RHOU: variants seen among roughly 807,000 people sequenced by gnomAD.
RHOU encodes rho-related GTP-binding protein RhoU.
Under a neutral mutation model 12.6 loss-of-function variants are expected in RHOU, and 8 were observed. That is an observed-to-expected ratio of 0.64 (90% CI 0.37 to 1.15). The LOEUF is 1.15. RHOU is among the 50% of genes most tolerant of loss of function. RHOU has a pLI of 0.01. For missense variants in RHOU, 258 were observed against 347.0 expected (o/e 0.74, Z 2.04); for synonymous variants, 161 against 147.4 (o/e 1.09, Z -0.67).
At chr1:228,719,932 C>A in the RHOU span, among the ~76,000 whole-genome samples, 1 of 151,974 alleles carries the variant, frequency 6.6e-6, no homozygotes. Flanking sequence ...CTAAAATAAT[C>A]CAAGAAAATT....
At chr1:228,719,723 C>G in the RHOU span, among the ~76,000 whole-genome samples, 1 of 152,102 alleles carries the variant, frequency 6.6e-6, no homozygotes, top group Non-Finnish European at 1.5e-5. Flanking sequence ...GAACATGACT[C>G]TGTCTTAAAA....
At chr1:228,723,174 C>T in the RHOU span, among the ~76,000 whole-genome samples, 2 of 152,206 alleles carry the variant, frequency 1.3e-5, no homozygotes, top group East Asian at 3.9e-4. Context: ...TCTTGGTCCT[C>T]ATGCCAGTTT....
chr1:228,654,284 T>A, the RHOU span, among the ~76,000 whole-genome samples: 2 of 141,330 alleles, frequency 1.4e-5, no homozygotes, highest in African/African-American at 4.9e-5. Context: ...AATTTTTAAT[T>A]TTTTTATAGA....
At chr1:228,682,411 G>C in the RHOU span, among the ~76,000 whole-genome samples, 4 of 152,076 alleles carry the variant, frequency 2.6e-5, no homozygotes, top group African/African-American at 9.7e-5. Context: ...CAACAAGGCT[G>C]TTTATTTCAC....
chr1:228,651,923 T>A, the RHOU span, among the ~76,000 whole-genome samples: 3 of 152,200 alleles, frequency 2.0e-5, no homozygotes, highest in Admixed American at 6.5e-5. Context: ...CCCTGAAATG[T>A]TTTTTACATA....
the RHOU span, among the ~76,000 whole-genome samples, chr1:228,655,229 G>A: frequency 6.6e-6 from 1 of 151,378 alleles, no homozygotes; most frequent in Middle Eastern, 3.4e-3. Flanking sequence ...TCAGCCTCCC[G>A]AGTAGCTGGG....
the RHOU span, among the ~76,000 whole-genome samples, chr1:228,724,324 CA>C: frequency 5.3e-5 from 8 of 152,142 alleles, no homozygotes; most frequent in Non-Finnish European, 4.4e-5. Flanking sequence ...TGTTCCCCCC[CA>C]GATTTATTCA....
the RHOU span, among the ~76,000 whole-genome samples, chr1:228,646,986 G>A: frequency 1.3e-5 from 2 of 151,658 alleles, no homozygotes; most frequent in Non-Finnish European, 2.9e-5. Flanking sequence ...GAGGTACAGA[G>A]GGAAGGCTAG....
At chr1:228,731,264 G>A (rs1342012803), upstream of RHOU, among the ~76,000 whole-genome samples, 1 of 152,180 alleles carries the variant, frequency 6.6e-6, no homozygotes, top group Non-Finnish European at 1.5e-5. Context: ...AGGGGTCAGG[G>A]AACATTTCTG....
chr1:228,727,782 T>A, the RHOU span, among the ~76,000 whole-genome samples: 1 of 151,794 alleles, frequency 6.6e-6, no homozygotes, highest in South Asian at 2.1e-4. Flanking sequence ...CTGGCCAGGG[T>A]GATTATGGTG....
At chr1:228,689,617 G>C in the RHOU span, among the ~76,000 whole-genome samples, 1 of 152,066 alleles carries the variant, frequency 6.6e-6, no homozygotes, top group African/African-American at 2.4e-5. Flanking sequence ...ATAGCCGGAG[G>C]TGAGCAGTGG....
At chr1:228,686,900 T>C in the RHOU span, among the ~76,000 whole-genome samples, 1 of 152,088 alleles carries the variant, frequency 6.6e-6, no homozygotes, top group East Asian at 1.9e-4. Context: ...CCACCACATC[T>C]AGCTGATTTT....
chr1:228,693,560 G>A, the RHOU span, among the ~76,000 whole-genome samples: 2 of 152,070 alleles, frequency 1.3e-5, no homozygotes, highest in East Asian at 1.9e-4. Context: ...TCTGCCTCCC[G>A]GGTTCAAGCG....
chr1:228,694,032 A>G, the RHOU span, among the ~76,000 whole-genome samples: 1 of 152,188 alleles, frequency 6.6e-6, no homozygotes. Context: ...CAGATCTCAA[A>G]ATTTGCAGTT....
chr1:228,726,174 C>T, the RHOU span, among the ~76,000 whole-genome samples: 3 of 152,124 alleles, frequency 2.0e-5, no homozygotes. Context: ...TTTCCTTTGT[C>T]TTTCACTGCC....
At chr1:228,658,386 G>C in the RHOU span, among the ~76,000 whole-genome samples, 1 of 151,524 alleles carries the variant, frequency 6.6e-6, no homozygotes, top group Non-Finnish European at 1.5e-5. Flanking sequence ...CCTTATAAAA[G>C]GACTTGAAGG....
At chr1:228,688,539 G>A in the RHOU span, among the ~76,000 whole-genome samples, 2 of 152,100 alleles carry the variant, frequency 1.3e-5, no homozygotes, top group Non-Finnish European at 2.9e-5. Flanking sequence ...ATGTCTGCCT[G>A]CTGTCACTTA....
chr1:228,698,381 A>G, the RHOU span, among the ~76,000 whole-genome samples: 2 of 152,260 alleles, frequency 1.3e-5, no homozygotes, highest in Non-Finnish European at 2.9e-5. Flanking sequence ...TTAATACCTT[A>G]GAACTATGTC....
the RHOU span, among the ~76,000 whole-genome samples, chr1:228,680,413 G>A: frequency 6.6e-5 from 10 of 152,120 alleles, no homozygotes; most frequent in African/African-American, 9.7e-5. Context: ...CAAGGTCCAC[G>A]AGGATGTTTT....
Sources: allele counts gnomAD v4.1 joint callset (sites outside exome capture counted in the v4.1 genomes callset), GRCh38; gene constraint gnomAD v4.1.1; transcripts MANE v1.5; gene names NCBI Gene and HGNC (gene_info 2026-07-23, HGNC 2026-07-21).